RAD51B: variants seen among roughly 807,000 people sequenced by gnomAD.
RAD51B encodes the protein RAD51 paralog B, also known as DNA repair protein RAD51 homolog 2.
A neutral mutation model predicts 42.2 loss-of-function variants in RAD51B; 38 were observed. The observed-to-expected ratio is 0.90, with a 90% confidence interval of 0.70 to 1.18. RAD51B has a LOEUF of 1.18. Among genes scored for constraint, RAD51B ranks in the 50% most tolerant of loss-of-function variants. RAD51B has a pLI of 0.00. For missense variants in RAD51B, 373 were observed against 400.7 expected (o/e 0.93, Z 0.59); for synonymous variants, 154 against 145.2 (o/e 1.06, Z -0.43).
intron 7 of RAD51B, among the ~76,000 whole-genome samples, chr14:68,235,551 A>C (rs940317862): frequency 1.3e-4 from 20 of 150,902 alleles, no homozygotes; most frequent in Non-Finnish European, 8.9e-5. Flanking sequence ...AAAAATACAA[A>C]AAATTAGCCG....
chr14:68,181,824 G>T (rs2079065559), intron 7 of RAD51B, among the ~76,000 whole-genome samples: 1 of 152,176 alleles, frequency 6.6e-6, no homozygotes, highest in Non-Finnish European at 1.5e-5. Context: ...AAGGATCAAA[G>T]GGTTATGTCC....
intron 7 of RAD51B, among the ~76,000 whole-genome samples, chr14:68,080,817 A>G (rs1347429074): frequency 6.6e-6 from 1 of 152,216 alleles, no homozygotes; most frequent in African/African-American, 2.4e-5. Flanking sequence ...TTAGTAGTCA[A>G]TATCTGGGGT....
chr14:68,128,761 G>A (rs868732604), intron 7 of RAD51B, among the ~76,000 whole-genome samples: 1 of 152,118 alleles, frequency 6.6e-6, no homozygotes, highest in Non-Finnish European at 1.5e-5. Context: ...TATGAACTTG[G>A]TAACAGATAC....
intron 8 of RAD51B, among the ~76,000 whole-genome samples, chr14:68,397,137 AAT>A (rs1391659901): frequency 6.6e-6 from 1 of 152,340 alleles, no homozygotes; most frequent in East Asian, 1.9e-4. Context: ...TCTTTACTGT[AAT>A]GTCTTATATC....
intron 10 of RAD51B, among the ~76,000 whole-genome samples, chr14:68,633,308 A>G (rs892663146): frequency 6.6e-6 from 1 of 152,038 alleles, no homozygotes; most frequent in African/African-American, 2.4e-5. Flanking sequence ...TGATCGGGAC[A>G]TGTCTGTCAG....
At chr14:68,114,258 G>C (rs1333015670) in intron 7 of RAD51B, 1 of 151,926 alleles carries the variant, frequency 6.6e-6, no homozygotes, top group Non-Finnish European at 1.5e-5. Context: ...AATGTGATTG[G>C]TACTAGATTA....
intron 7 of RAD51B, among the ~76,000 whole-genome samples, chr14:68,285,336 A>G (rs1438512996): frequency 6.6e-6 from 1 of 152,244 alleles, no homozygotes; most frequent in Non-Finnish European, 1.5e-5. Flanking sequence ...GGATCACTTC[A>G]GATACAAAAG....
intron 7 of RAD51B, among the ~76,000 whole-genome samples, chr14:67,939,982 AAT>A (rs1275824634): frequency 1.4e-5 from 2 of 139,712 alleles, no homozygotes; most frequent in African/African-American, 2.6e-5. Flanking sequence ...TATATAAAAA[AAT>A]AAAAAGTATA....
chr14:68,046,605 C>T lies in RAD51B; in HGVS notation c.756+159401C>T, dbSNP rs953387076. Among the ~76,000 whole-genome samples the T allele has an allele frequency of 7.2e-5, 11 of 152,116 alleles. No homozygotes were observed. The East Asian group carries it at 7.7e-4, about 11-fold the overall frequency. On this transcript the variant is annotated intron_variant, in intron 7 of 10. Coordinates refer to ENST00000471583, the MANE Select transcript of RAD51B (RefSeq NM_133510.4). ...AATTTAAAATAGTTGGGGATGGTGG[C>T]GCAGCCTATAGTCCCAACTACTCTG...
At chr14:67,893,502 AC>A (rs747019199) in intron 7 of RAD51B, among the ~76,000 whole-genome samples, 1,670 of 103,318 alleles carry the variant, frequency 0.016, 89 homozygotes, top group African/African-American at 0.025. Context: ...ACACACACAC[AC>A]ACACACAAAA....
At chr14:68,614,695 AT>A, downstream of RAD51B, among the ~76,000 whole-genome samples, 1 of 152,370 alleles carries the variant, frequency 6.6e-6, no homozygotes, top group East Asian at 1.9e-4. Context: ...TTGGAATGTC[AT>A]TTGTTTTCAT....
chr14:67,940,134 C>T (rs768367582), intron 7 of RAD51B, among the ~76,000 whole-genome samples: 38 of 118,102 alleles, frequency 3.2e-4, no homozygotes, highest in Admixed American at 1.1e-4. Context: ...AGTGCAATGG[C>T]GTGATCTCAG....
chr14:68,429,374 G>A (rs535385074), intron 9 of RAD51B, among the ~76,000 whole-genome samples: 147 of 152,306 alleles, frequency 9.7e-4, no homozygotes, highest in Middle Eastern at 6.8e-3. Context: ...CCCACCAACA[G>A]TGTAAAAGTG....
chr14:67,906,856 C>G (rs1173793297), intron 7 of RAD51B, among the ~76,000 whole-genome samples: 1 of 151,806 alleles, frequency 6.6e-6, no homozygotes, highest in Non-Finnish European at 1.5e-5. Flanking sequence ...GTTGCCCAGG[C>G]TGGAGTGCAA....
At chr14:68,682,910 C>CTTTTTTTTTTTTT (rs535044457) in intron 11 of RAD51B, 4 of 701,300 alleles carry the variant, frequency 5.7e-6, no homozygotes, top group Admixed American at 1.5e-4. Context: ...TAGCTTATGG[C>CTTTTTTTTTTTTT]TTTTTTTTTT....
intron 8 of RAD51B, among the ~76,000 whole-genome samples, chr14:68,364,443 C>T (rs2083098479): frequency 6.6e-6 from 1 of 152,162 alleles, no homozygotes; most frequent in African/African-American, 2.4e-5. Flanking sequence ...CTCCTGGGGC[C>T]GGCAAGCCTC....
intron 7 of RAD51B, among the ~76,000 whole-genome samples, chr14:68,012,757 G>A (rs957615347): frequency 1.3e-5 from 2 of 152,118 alleles, no homozygotes; most frequent in Non-Finnish European, 2.9e-5. Context: ...ACACATGGAG[G>A]ACAATAACTG....
intron 7 of RAD51B, among the ~76,000 whole-genome samples, chr14:68,071,668 AT>A (rs1009042345): frequency 2.0e-5 from 3 of 151,956 alleles, no homozygotes; most frequent in Non-Finnish European, 2.9e-5. Flanking sequence ...GTTTACTAGT[AT>A]TTTGTTGAGG....
At chr14:67,976,338 G>C (rs2074993692) in intron 7 of RAD51B, among the ~76,000 whole-genome samples, 1 of 151,972 alleles carries the variant, frequency 6.6e-6, no homozygotes, top group African/African-American at 2.4e-5. Context: ...GGCTGGTCTT[G>C]AGCTCCTGGG....
Sources: allele counts gnomAD v4.1 joint callset (sites outside exome capture counted in the v4.1 genomes callset), GRCh38; gene constraint gnomAD v4.1.1; transcripts MANE v1.5; gene names NCBI Gene and HGNC (gene_info 2026-07-23, HGNC 2026-07-21).